The following DOCK4 variants were observed in gnomAD, a reference collection of about 807,000 sequenced individuals.
DOCK4 encodes the protein dedicator of cytokinesis protein 4.
A neutral mutation model predicts 268.1 loss-of-function variants in DOCK4; 97 were observed. The ratio of observed to expected loss-of-function variants is 0.36; its 90% CI spans 0.31 to 0.43. The LOEUF is 0.43. Ranked by LOEUF, DOCK4 falls within the 20% of genes least tolerant of loss-of-function variation. DOCK4 has a pLI of 1.00. For missense variants in DOCK4, 2,145 were observed against 2,455.7 expected, an observed-to-expected ratio of 0.87 and a Z score of 2.67; for synonymous variants, 954 against 887.2, an observed-to-expected ratio of 1.08 and a Z score of -1.34.
intron 10 of DOCK4, among the ~76,000 whole-genome samples, chr7:111,941,008 TC>T (rs2134769438): frequency 6.6e-6 from 1 of 152,316 alleles, no homozygotes; most frequent in Admixed American, 6.5e-5. Flanking sequence ...AGCAAAATTC[TC>T]CTATAGCACA....
intron 2 of DOCK4, among the ~76,000 whole-genome samples, chr7:112,002,410 C>T (rs1266978791): frequency 6.6e-6 from 1 of 152,126 alleles, no homozygotes; most frequent in Non-Finnish European, 1.5e-5. Flanking sequence ...GATATGCAGT[C>T]CAGTTTCATG....
chr7:112,035,411 T>A (rs938440628), intron 1 of DOCK4, among the ~76,000 whole-genome samples: 1 of 152,108 alleles, frequency 6.6e-6, no homozygotes, highest in African/African-American at 2.4e-5. Context: ...GGTGAATGTG[T>A]CACATTCTAT....
chr7:111,736,706 C>T (rs570049316), intron 50 of DOCK4, among the ~76,000 whole-genome samples: 2 of 152,188 alleles, frequency 1.3e-5, no homozygotes, highest in South Asian at 2.1e-4. Context: ...TCCTATCTTG[C>T]TCAGATTCTG....
At chr7:111,851,087 C>T (rs1475051696) in intron 23 of DOCK4, among the ~76,000 whole-genome samples, 1 of 152,162 alleles carries the variant, frequency 6.6e-6, no homozygotes, top group Non-Finnish European at 1.5e-5. Flanking sequence ...CCTTACCTTA[C>T]ACCAAATGCA....
intron 23 of DOCK4, among the ~76,000 whole-genome samples, chr7:111,860,985 T>A (rs1805461620): frequency 6.6e-6 from 1 of 152,240 alleles, no homozygotes; most frequent in African/African-American, 2.4e-5. Flanking sequence ...TGCAAGACTT[T>A]AACTTAACAA....
chr7:111,766,107 C>T, intron 38 of DOCK4, among the ~76,000 whole-genome samples: 1 of 152,204 alleles, frequency 6.6e-6, no homozygotes. Flanking sequence ...ACTGCAGTGC[C>T]TGCCAGAGTC....
At chr7:112,141,431 C>G (rs993197991) in intron 1 of DOCK4, among the ~76,000 whole-genome samples, 3 of 152,156 alleles carry the variant, frequency 2.0e-5, no homozygotes, top group Non-Finnish European at 4.4e-5. Context: ...TGACAATCAG[C>G]TGACTTTAAG....
chr7:111,949,569 C>A (rs1217059926), intron 8 of DOCK4, among the ~76,000 whole-genome samples: 1 of 151,342 alleles, frequency 6.6e-6, no homozygotes, highest in East Asian at 1.9e-4. Flanking sequence ...TACAAACAGA[C>A]TGAAAATGGG....
intron 32 of DOCK4, 172 bp from the exon 33 acceptor site, chr7:111,784,295 A>C (rs934227372): frequency 7.5e-6 from 6 of 798,658 alleles, no homozygotes; most frequent in African/African-American, 5.1e-5. Flanking sequence ...TACCACATCA[A>C]ATAACACTGC....
In DOCK4 at chr7:111,939,483, C is replaced by T. The variant is rs553721946; in HGVS notation, c.977+627G>A. Among the ~76,000 whole-genome samples, 3 of 149,992 alleles carry T rather than the reference C, an allele frequency of 2.0e-5. No homozygotes were observed. The South Asian group carries it at 6.4e-4, about 32-fold the overall frequency. On this transcript the variant is annotated intron_variant, in intron 11 of 52. Coordinates refer to ENST00000428084, the MANE Select transcript of DOCK4 (RefSeq NM_001363540.2). ...TGAGCTGAGATCACACCACTGCACTCCAGCCTGGGCAACAGAGCGAGACTC... is the reference window on the plus strand; with the variant it reads ...TGAGCTGAGATCACACCACTGCACTTCAGCCTGGGCAACAGAGCGAGACTC...
intron 1 of DOCK4, among the ~76,000 whole-genome samples, chr7:112,027,265 C>A (rs528801060): frequency 3.0e-4 from 46 of 152,156 alleles, no homozygotes; most frequent in African/African-American, 8.9e-4. Context: ...CGCTTTGTTG[C>A]CCAGGGTGGA....
intron 1 of DOCK4, among the ~76,000 whole-genome samples, chr7:112,182,348 CT>C (rs1428532583): frequency 6.6e-6 from 1 of 152,138 alleles, no homozygotes; most frequent in Non-Finnish European, 1.5e-5. Context: ...GGAATGATCT[CT>C]CCATGATGTA....
chr7:111,844,978 A>T, intron 24 of DOCK4, 81 bp from the exon 25 acceptor site: 2 of 1,514,288 alleles, frequency 1.3e-6, no homozygotes, highest in South Asian at 2.6e-5. Context: ...GAAATCAAAG[A>T]GTCAGAGAAC....
chr7:112,077,674 T>C (rs1023968762), intron 1 of DOCK4, among the ~76,000 whole-genome samples: 6 of 152,124 alleles, frequency 3.9e-5, no homozygotes, highest in African/African-American at 1.2e-4. Flanking sequence ...TATGTGCGTG[T>C]GTGTGTTTTT....
At chr7:111,972,443 A>G (rs1797793245) in intron 8 of DOCK4, among the ~76,000 whole-genome samples, 1 of 152,174 alleles carries the variant, frequency 6.6e-6, no homozygotes, top group Non-Finnish European at 1.5e-5. Context: ...AGAGTATGGC[A>G]GATGGTTAGT....
intron 12 of DOCK4, among the ~76,000 whole-genome samples, chr7:111,930,740 A>G (rs1237384529): frequency 6.6e-6 from 1 of 152,186 alleles, no homozygotes; most frequent in Non-Finnish European, 1.5e-5. Flanking sequence ...GAGGTAAGCC[A>G]TGAATGTGCC....
intron 1 of DOCK4, chr7:112,023,582 C>A (rs1257577228): frequency 2.3e-6 from 1 of 437,464 alleles, no homozygotes; most frequent in Non-Finnish European, 4.5e-6. Flanking sequence ...AGGTTATTAG[C>A]CTTTCTACTA....
At chr7:111,984,165 C>G (rs1798858054) in intron 7 of DOCK4, 141 bp downstream of exon 7, 1 of 691,786 alleles carries the variant, frequency 1.4e-6, no homozygotes, top group South Asian at 1.9e-5. Flanking sequence ...AGGGCATGGT[C>G]ACCTCAGCTC....
chr7:112,007,964 T>C (rs1800988661), intron 1 of DOCK4, among the ~76,000 whole-genome samples: 1 of 152,242 alleles, frequency 6.6e-6, no homozygotes, highest in Admixed American at 6.5e-5. Flanking sequence ...AGTTTATTCA[T>C]GTACACTTCC....
Sources: gnomAD v4.1 joint callset for allele counts (sites outside exome capture counted in the v4.1 genomes callset) on GRCh38, gnomAD v4.1.1 for gene constraint, MANE v1.5 for transcripts, NCBI Gene and HGNC (gene_info 2026-07-23, HGNC 2026-07-21) for gene names.